Variants in CAMK1D observed in about 807,000 individuals in gnomAD.
CAMK1D encodes the protein calcium/calmodulin-dependent protein kinase type 1D.
In CAMK1D, 9 loss-of-function variants were observed where a neutral mutation model predicts 47.7. The observed-to-expected ratio is 0.19, with a 90% confidence interval of 0.11 to 0.33. The LOEUF is 0.33. Among genes scored for constraint, CAMK1D ranks in the 10% least tolerant of loss-of-function variants. CAMK1D has a pLI of 1.00. For synonymous variants in CAMK1D, 184 were observed against 184.9 expected (o/e 0.99, Z 0.04); for missense variants, 291 against 488.7 (o/e 0.60, Z 3.81).
intron 3 of CAMK1D, among the ~76,000 whole-genome samples, chr10:12,673,224 G>A (rs1233769329): frequency 2.5e-5 from 3 of 121,754 alleles, no homozygotes; most frequent in East Asian, 4.5e-4. Context: ...TTGAGCTTAC[G>A]TTGAATCTGT....
At chr10:12,739,131 G>C (rs1835308833) in intron 3 of CAMK1D, among the ~76,000 whole-genome samples, 1 of 152,134 alleles carries the variant, frequency 6.6e-6, no homozygotes, top group African/African-American at 2.4e-5. Flanking sequence ...CAGCTACTCA[G>C]GAGGTTGAGG....
chr10:12,685,891 G>A (rs1832640998), intron 3 of CAMK1D, among the ~76,000 whole-genome samples: 1 of 152,184 alleles, frequency 6.6e-6, no homozygotes, highest in African/African-American at 2.4e-5. Flanking sequence ...GATTAGGTGG[G>A]ACTTCTCTGC....
intron 1 of CAMK1D, among the ~76,000 whole-genome samples, chr10:12,452,850 A>G (rs1215573355): frequency 6.6e-6 from 1 of 152,074 alleles, no homozygotes; most frequent in African/African-American, 2.4e-5. Context: ...TACAGGCATG[A>G]GCCACCGCGC....
intron 2 of CAMK1D, among the ~76,000 whole-genome samples, chr10:12,624,218 G>A (rs1040610685): frequency 1.8e-4 from 28 of 152,162 alleles, no homozygotes; most frequent in African/African-American, 4.8e-4. Context: ...GTGCGTGTGT[G>A]TGTGTGTGTA....
rs74673041 is a variant in CAMK1D, at chr10:12,451,573, A to G, written c.93-101652A>G. 2.2e-4 allele frequency among the ~76,000 whole-genome samples: 33 copies of G among 152,346 alleles called. No homozygotes were observed. In the East Asian group the frequency reaches 3.1e-3, roughly 14 times the overall value. ...AATTTATTTAGAGGGGGCGAGAGAA[A>G]TGAGATAAATTCTGATAATAGTGGC... On this transcript the variant is annotated intron_variant, in intron 1 of 10. Coordinates refer to ENST00000619168, the MANE Select transcript of CAMK1D (RefSeq NM_153498.4).
At chr10:12,620,402 C>T (rs927140448) in intron 2 of CAMK1D, among the ~76,000 whole-genome samples, 1 of 152,166 alleles carries the variant, frequency 6.6e-6, no homozygotes. Flanking sequence ...TGTGAGTGAT[C>T]GTTTCTCTGC....
At chr10:12,734,499 T>TAC (rs568230104) in intron 3 of CAMK1D, among the ~76,000 whole-genome samples, 4 of 139,860 alleles carry the variant, frequency 2.9e-5, no homozygotes, top group African/African-American at 1.1e-4. Flanking sequence ...TGTATATATA[T>TAC]ACACACACAC....
chr10:12,531,397 C>A (rs79000312), intron 1 of CAMK1D, among the ~76,000 whole-genome samples: 2 of 152,172 alleles, frequency 1.3e-5, no homozygotes, highest in African/African-American at 4.8e-5. Context: ...GCCAGGGGCA[C>A]GTGGAAATTA....
intron 3 of CAMK1D, 64 bp downstream of exon 3, chr10:12,666,874 C>T: frequency 7.5e-7 from 1 of 1,328,284 alleles, no homozygotes; most frequent in Non-Finnish European, 1.1e-6. Context: ...CTAAAGGGAT[C>T]AGGTGGGAAA....
chr10:12,614,948 C>T (rs1230932319), intron 2 of CAMK1D, among the ~76,000 whole-genome samples: 1 of 152,214 alleles, frequency 6.6e-6, no homozygotes, highest in Non-Finnish European at 1.5e-5. Flanking sequence ...TGTGGCCCAG[C>T]AAGCACATTA....
chr10:12,803,415 C>T (rs1838569515), intron 6 of CAMK1D, among the ~76,000 whole-genome samples: 1 of 152,172 alleles, frequency 6.6e-6, no homozygotes, highest in African/African-American at 2.4e-5. Flanking sequence ...GTGGGTGTGG[C>T]TCACACCTGT....
At position 12,829,732 on chromosome 10, in the gene CAMK1D, CAA is replaced by C. The variant is rs33936519; in HGVS notation, c.*861_*862del. Reference sequence around the variant, plus strand: ...TGGGTGACAGAGCAAGACTCTGTCTCAAAAAAAAAAAAAAAAATTCTAACAAG... The same window carrying C: ...TGGGTGACAGAGCAAGACTCTGTCTCAAAAAAAAAAAAAAATTCTAACAAG... On this transcript the variant is annotated 3_prime_UTR_variant, in exon 11 of 11. Coordinates refer to ENST00000619168, the MANE Select transcript of CAMK1D (RefSeq NM_153498.4). 11 of 125,990 alleles carry C rather than the reference CAA, an allele frequency of 8.7e-5. No homozygotes were observed. Among genetic ancestry groups the C allele is most frequent in the East Asian group, 2.4e-4 (1 of 4,238 alleles). 7.8% of individuals were successfully genotyped at this position (125,990 alleles called of 1,614,324 possible).
intron 2 of CAMK1D, among the ~76,000 whole-genome samples, chr10:12,581,282 C>T (rs1410306051): frequency 2.6e-5 from 4 of 152,142 alleles, no homozygotes; most frequent in East Asian, 3.9e-4. Context: ...CTTATCCACT[C>T]GTTGATTGAT....
At chr10:12,538,602 C>G (rs1372081658) in intron 1 of CAMK1D, among the ~76,000 whole-genome samples, 1 of 152,018 alleles carries the variant, frequency 6.6e-6, no homozygotes, top group Non-Finnish European at 1.5e-5. Context: ...CATTGTCTTG[C>G]GATGATGAGG....
At chr10:12,519,849 C>T (rs1588582589) in intron 1 of CAMK1D, among the ~76,000 whole-genome samples, 1 of 23,512 alleles carries the variant, frequency 4.3e-5, no homozygotes, top group Non-Finnish European at 8.6e-5. Flanking sequence ...GGGGCTGACC[C>T]CCCCTCCCCC....
chr10:12,437,111 A>AG (rs1267312592), intron 1 of CAMK1D, among the ~76,000 whole-genome samples: 5 of 21,630 alleles, frequency 2.3e-4, no homozygotes, highest in Admixed American at 1.1e-3. Flanking sequence ...CTCAGCAGCC[A>AG]GATTTTTTTT....
At chr10:12,597,346 C>T (rs1354182104) in intron 2 of CAMK1D, among the ~76,000 whole-genome samples, 1 of 152,184 alleles carries the variant, frequency 6.6e-6, no homozygotes, top group African/African-American at 2.4e-5. Context: ...CATTGAACTT[C>T]CAGTAACTGA....
rs1040106031 is a variant in CAMK1D at position 12,504,790 on chromosome 10, C to G, written c.93-48435C>G. Among the ~76,000 whole-genome samples, 14 of 152,314 alleles carry G rather than the reference C, an allele frequency of 9.2e-5. No individual in the cohort carries two copies. In the East Asian group the frequency reaches 2.7e-3, roughly 29 times the overall value. On this transcript the variant is annotated intron_variant, in intron 1 of 10. Coordinates refer to ENST00000619168, the MANE Select transcript of CAMK1D (RefSeq NM_153498.4). ...GGGACGGTGAGGCCACTTTCTCTTACTACCTCCCGGGACGGGGCTCCTCTC... is the reference window on the plus strand; with the variant it reads ...GGGACGGTGAGGCCACTTTCTCTTAGTACCTCCCGGGACGGGGCTCCTCTC...
intron 1 of CAMK1D, among the ~76,000 whole-genome samples, chr10:12,364,195 C>CATGTAGAA (rs151127751): frequency 0.11 from 16,934 of 149,022 alleles, 1,254 homozygotes; most frequent in Middle Eastern, 0.23. Context: ...TGCTAAGAGG[C>CATGTAGAA]ATGTAGAAAG....
Sources: gnomAD v4.1 joint callset for allele counts (sites outside exome capture counted in the v4.1 genomes callset) on GRCh38, gnomAD v4.1.1 for gene constraint, MANE v1.5 for transcripts, NCBI Gene and HGNC (gene_info 2026-07-23, HGNC 2026-07-21) for gene names.